TBC1D19: variants seen among roughly 807,000 people sequenced by gnomAD.
TBC1D19 encodes the protein TBC1 domain family member 19, also known as TBC1 domain family, member 19.
In TBC1D19, 60 loss-of-function variants were observed where a neutral mutation model predicts 89.0. That is an observed-to-expected ratio of 0.67 (90% CI 0.55 to 0.84). The LOEUF is 0.84. Ranked by LOEUF, TBC1D19 falls within the 40% of genes least tolerant of loss-of-function variation. The probability of loss-of-function intolerance (pLI) is 0.00; values close to 1 mark genes in which losing one functional copy is unlikely to be tolerated. For synonymous variants in TBC1D19, 189 were observed against 199.7 expected (o/e 0.95, Z 0.45); for missense variants, 500 against 610.8 (o/e 0.82, Z 1.91).
At chr4:26,638,122 A>AGC (rs1219883972) in intron 5 of TBC1D19, among the ~76,000 whole-genome samples, 40 of 149,138 alleles carry the variant, frequency 2.7e-4, no homozygotes, top group African/African-American at 9.6e-4. Flanking sequence ...AAAGATGAGA[A>AGC]AGAAAAGAAA....
the TBC1D19 span, among the ~76,000 whole-genome samples, chr4:26,822,327 A>G: frequency 6.6e-6 from 1 of 152,252 alleles, no homozygotes; most frequent in African/African-American, 2.4e-5. Context: ...TGACTGTCCT[A>G]GTGGACAGAT....
At chr4:26,782,917 G>A in the TBC1D19 span, among the ~76,000 whole-genome samples, 1 of 151,892 alleles carries the variant, frequency 6.6e-6, no homozygotes, top group African/African-American at 2.4e-5. Context: ...GATCAAACAT[G>A]ACTCTCAATT....
At chr4:26,662,713 A>G (rs1341643239) in intron 8 of TBC1D19, among the ~76,000 whole-genome samples, 4 of 152,212 alleles carry the variant, frequency 2.6e-5, no homozygotes, top group Non-Finnish European at 4.4e-5. Flanking sequence ...CTCAGCAGCA[A>G]CACTGGAAGC....
chr4:26,705,598 A>G (rs1715676880), intron 13 of TBC1D19, among the ~76,000 whole-genome samples: 1 of 152,092 alleles, frequency 6.6e-6, no homozygotes, highest in Non-Finnish European at 1.5e-5. Flanking sequence ...GTTGTAAATC[A>G]TTTGACCGTA....
rs552411910 is a variant in TBC1D19 at position 26,734,911 on chromosome 4, CAT to C, written c.1085-543_1085-542del. 3.3e-4 allele frequency among the ~76,000 whole-genome samples: 37 copies of C among 112,266 alleles called. No individual in the cohort carries two copies. The East Asian group carries it at 8.7e-3, about 26-fold the overall frequency. 73.7% of individuals were successfully genotyped at this position (112,266 alleles called of 152,430 possible). On this transcript the variant is annotated intron_variant, in intron 15 of 20. Transcript: ENST00000264866. ...ACGTATGTGTGTGTATATATACACACATGTGTACATACACATATATGTGTGTA... is the reference window on the plus strand; with the variant it reads ...ACGTATGTGTGTGTATATATACACACGTGTACATACACATATATGTGTGTA...
At chr4:26,750,896 A>G (rs952124126) in intron 19 of TBC1D19, among the ~76,000 whole-genome samples, 2 of 152,236 alleles carry the variant, frequency 1.3e-5, no homozygotes, top group Non-Finnish European at 2.9e-5. Context: ...GTGGGTTACT[A>G]TGTAGTCTTG....
chr4:26,808,137 T>G, the TBC1D19 span, among the ~76,000 whole-genome samples: 3 of 152,306 alleles, frequency 2.0e-5, no homozygotes, highest in African/African-American at 7.2e-5. Flanking sequence ...TTCCTCTGAG[T>G]GCATTTATGC....
intron 1 of TBC1D19, among the ~76,000 whole-genome samples, chr4:26,578,064 C>T (rs1027833023): frequency 1.3e-5 from 2 of 152,170 alleles, no homozygotes; most frequent in African/African-American, 2.4e-5. Flanking sequence ...CTAAGACACC[C>T]ACTTTGTTCC....
chr4:26,687,823 G>T (rs1369238526), intron 12 of TBC1D19, among the ~76,000 whole-genome samples: 3 of 152,094 alleles, frequency 2.0e-5, no homozygotes, highest in African/African-American at 7.2e-5. Flanking sequence ...AAACTAATAT[G>T]CTATCCAGGG....
At chr4:26,762,093 A>C in the TBC1D19 span, among the ~76,000 whole-genome samples, 3 of 152,284 alleles carry the variant, frequency 2.0e-5, no homozygotes, top group East Asian at 5.8e-4. Context: ...CCGAGGTTGC[A>C]CCACCGCACT....
the TBC1D19 span, among the ~76,000 whole-genome samples, chr4:26,769,548 CT>C: frequency 7.2e-4 from 105 of 145,914 alleles, no homozygotes; most frequent in African/African-American, 5.0e-4. Flanking sequence ...GTTTAAGGTT[CT>C]TTTTTTTTTT....
the TBC1D19 span, among the ~76,000 whole-genome samples, chr4:26,834,563 A>G: frequency 1.3e-5 from 2 of 152,102 alleles, no homozygotes; most frequent in African/African-American, 2.4e-5. Context: ...GGGGTGGTGC[A>G]CACACCAATA....
At chr4:26,657,617 G>C (rs912322539) in intron 7 of TBC1D19, among the ~76,000 whole-genome samples, 17 of 152,058 alleles carry the variant, frequency 1.1e-4, no homozygotes, top group African/African-American at 3.9e-4. Flanking sequence ...GGGATGGCTG[G>C]GTCAAATGGT....
rs1715568065 is a variant in TBC1D19 at position 26,704,370 on chromosome 4, T to C, written c.955-13563T>C. Among the ~76,000 whole-genome samples, 3 of 152,176 alleles carry C rather than the reference T, an allele frequency of 2.0e-5. No individual in the cohort carries two copies. In the South Asian group the frequency reaches 6.2e-4, roughly 31 times the overall value. The stretch of plus-strand genomic sequence containing the variant: ...ATATTCATAGGAAAGAATTCATATA[T>C]AGTAAAAGGGAAGACATGGAGATTT... On this transcript the variant is annotated intron_variant, in intron 13 of 20. Transcript: ENST00000264866.
chr4:26,734,936 GTATATATGTATACACATATGTATA>G (rs1553915243), intron 15 of TBC1D19, among the ~76,000 whole-genome samples: 3 of 58,650 alleles, frequency 5.1e-5, no homozygotes, highest in Non-Finnish European at 1.5e-4. Flanking sequence ...ATATATGTGT[GTATATATGTATACACATATGTATA>G]TGTATATATG....
the TBC1D19 span, among the ~76,000 whole-genome samples, chr4:26,848,159 G>A: frequency 6.6e-6 from 1 of 152,194 alleles, no homozygotes; most frequent in African/African-American, 2.4e-5. Flanking sequence ...ATTAAAGACT[G>A]CTCTCCCAAA....
At chr4:26,600,434 A>T (rs1204478424) in intron 1 of TBC1D19, among the ~76,000 whole-genome samples, 1 of 152,222 alleles carries the variant, frequency 6.6e-6, no homozygotes, top group Non-Finnish European at 1.5e-5. Flanking sequence ...AAGTACTAAA[A>T]TGTGGGTTTG....
intron 7 of TBC1D19, among the ~76,000 whole-genome samples, chr4:26,643,434 G>T (rs543667429): frequency 1.3e-5 from 2 of 152,256 alleles, no homozygotes; most frequent in South Asian, 4.1e-4. Context: ...GCAGTGCGTA[G>T]GGGGAAATTT....
At chr4:26,593,262 G>A (rs1233773825) in intron 1 of TBC1D19, among the ~76,000 whole-genome samples, 3 of 152,174 alleles carry the variant, frequency 2.0e-5, no homozygotes, top group East Asian at 3.8e-4. Context: ...TTAATAAATG[G>A]TGCTGGGAAA....
Sources: allele counts gnomAD v4.1 joint callset (sites outside exome capture counted in the v4.1 genomes callset), GRCh38; gene constraint gnomAD v4.1.1; transcripts MANE v1.5; gene names NCBI Gene and HGNC (gene_info 2026-07-23, HGNC 2026-07-21).